SLC25A15: variants seen among roughly 807,000 people sequenced by gnomAD.
SLC25A15 encodes mitochondrial ornithine transporter 1.
SLC25A15 carries 24 observed loss-of-function variants against 32.3 expected under a neutral mutation model. That is an observed-to-expected ratio of 0.74 (90% CI 0.54 to 1.04). The LOEUF is 1.04. Ranked by LOEUF, SLC25A15 falls within the 50% of genes least tolerant of loss-of-function variation. SLC25A15 has a pLI of 0.00. For synonymous variants in SLC25A15, 132 were observed against 142.1 expected (o/e 0.93, Z 0.51); for missense variants, 317 against 374.5 (o/e 0.85, Z 1.27).
rs1324992947 is a variant in SLC25A15 at position 40,808,459 on chromosome 13, G to C, written c.644G>C (p.Ser215Thr). Reference protein sequence around the residue: ...DELGPVPLMLSGGVGGICLWL... With the variant: ...DELGPVPLMLTGGVGGICLWL... ...CTAGGCCCTGTACCTTTGATGTTAA[G>C]TGGTGGAGTTGGTGGGATTTGCCTC... The change falls in exon 6 of 7, where the codon AGT (serine) becomes ACT (threonine). Residue 215 changes from serine (S) to threonine (T), a missense_variant. Coordinates refer to ENST00000338625, the MANE Select transcript of SLC25A15 (RefSeq NM_014252.4). 1 of 1,613,524 alleles carries C rather than the reference G, an allele frequency of 6.2e-7. No individual in the cohort carries two copies. Among genetic ancestry groups the C allele is most frequent in the Non-Finnish European group, 8.5e-7 (1 of 1,179,966 alleles).
intron 4 of SLC25A15, among the ~76,000 whole-genome samples, chr13:40,806,317 A>G (rs3783163): frequency 0.38 from 57,623 of 152,098 alleles, 11,702 homozygotes; most frequent in East Asian, 0.52. Context: ...AGCTGCCCTC[A>G]TGTTCCTTGG....
Position 40,799,253 on chromosome 13 carries a change from C to T in SLC25A15, c.252C>T (p.Cys84=). Reference sequence around the variant, plus strand: ...CTGAGAACTCAGTCCTCTTCATGTGCTACGGCTTCTGCCAGCAGGTGGTGC... The same window carrying T: ...CTGAGAACTCAGTCCTCTTCATGTGTTACGGCTTCTGCCAGCAGGTGGTGC... ...NIAENSVLFM[C]YGFCQQVVRK... The change falls in exon 3 of 7, where the codon TGC becomes TGT. Residue 84 remains cysteine, a synonymous_variant. Transcript: ENST00000338625. The T allele has an allele frequency of 6.2e-7, 1 of 1,614,188 alleles. No homozygotes were observed. The highest frequency in any genetic ancestry group is 8.5e-7 in the Non-Finnish European group (1 of 1,180,038).
At chr13:40,803,918 A>G (rs1566123084) in intron 3 of SLC25A15, among the ~76,000 whole-genome samples, 1 of 152,202 alleles carries the variant, frequency 6.6e-6, no homozygotes, top group Non-Finnish European at 1.5e-5. Flanking sequence ...TGAAGTATTA[A>G]TAGTGCATGT....
rs1317613435 is a variant in SLC25A15, at chr13:40,811,760, G to A, written c.*2093G>A. Among the ~76,000 whole-genome samples, 1 of 152,168 alleles carries A rather than the reference G, an allele frequency of 6.6e-6. No individual in the cohort carries two copies. The highest frequency in any genetic ancestry group is 6.5e-5 in the Admixed American group (1 of 15,272). On this transcript the variant is annotated 3_prime_UTR_variant, in exon 7 of 7. Transcript: ENST00000338625. ...CAGCCTGTATACTGAGTGCAAGCAG[G>A]CTATCAATTTTAATAATAGTCCATA... is the stretch of plus-strand genomic sequence containing the variant.
At chr13:40,805,044 A>G in intron 3 of SLC25A15, 74 bp from the exon 4 acceptor site, 1 of 1,593,476 alleles carries the variant, frequency 6.3e-7, no homozygotes, top group Admixed American at 1.7e-5. Context: ...CTTTATCACC[A>G]AAGTGCTGTC....
intron 1 of SLC25A15, among the ~76,000 whole-genome samples, chr13:40,790,145 A>C (rs1881428558): frequency 6.6e-6 from 1 of 152,118 alleles, no homozygotes; most frequent in Non-Finnish European, 1.5e-5. Context: ...CTTTACCTAA[A>C]GCCCGGGCTC....
At chr13:40,802,614 C>T (rs34320051) in intron 3 of SLC25A15, among the ~76,000 whole-genome samples, 56,889 of 149,044 alleles carry the variant, frequency 0.38, 11,502 homozygotes, top group East Asian at 0.51. Flanking sequence ...CTCACTCTGT[C>T]GCCCAGGCTG....
At chr13:40,802,181 G>C (rs1255519005) in intron 3 of SLC25A15, 1 of 152,264 alleles carries the variant, frequency 6.6e-6, no homozygotes, top group Non-Finnish European at 1.5e-5. Context: ...TCTGCAGGCT[G>C]GCTGCAAGAC....
At position 40,811,047 on chromosome 13, in the gene SLC25A15, CA is replaced by C. The variant is rs1413877223; in HGVS notation, c.*1381del. On this transcript the variant is annotated 3_prime_UTR_variant, in exon 7 of 7. Transcript: ENST00000338625. ...GAAAGAACTCAGTGCTTGTACTCCA[CA>C]GTGAGTAATGTCAGGTCTGACCCAT... Among the ~76,000 whole-genome samples the C allele has an allele frequency of 6.6e-6, 1 of 152,256 alleles. No individual in the cohort carries two copies. The highest frequency in any genetic ancestry group is 2.4e-5 in the African/African-American group (1 of 41,476).
intron 2 of SLC25A15, 96 bp downstream of exon 2, chr13:40,793,377 C>T (rs888522659): frequency 3.7e-6 from 4 of 1,087,042 alleles, no homozygotes; most frequent in African/African-American, 1.5e-5. Flanking sequence ...TTTTACTGTA[C>T]CTTTTCTGTG....
At chr13:40,807,168 T>G in intron 4 of SLC25A15, 126 bp from the exon 5 acceptor site, 2 of 894,612 alleles carry the variant, frequency 2.2e-6, no homozygotes, top group Non-Finnish European at 3.8e-6. Context: ...TCCTGGCTCT[T>G]CATTTACAAA....
intron 6 of SLC25A15, 35 bp from the exon 7 acceptor site, chr13:40,809,508 T>C (rs375054280): frequency 1.9e-6 from 3 of 1,611,922 alleles, no homozygotes; most frequent in Non-Finnish European, 2.5e-6. Context: ...AAAGGAGGGA[T>C]TGTTGCAGTC....
At chr13:40,793,500 G>C (rs1881579478) in intron 2 of SLC25A15, among the ~76,000 whole-genome samples, 1 of 152,192 alleles carries the variant, frequency 6.6e-6, no homozygotes, top group Admixed American at 6.5e-5. Context: ...ATACCGAATA[G>C]CCTAGGTGTG....
At chr13:40,795,581 T>A (rs1190690595) in intron 2 of SLC25A15, among the ~76,000 whole-genome samples, 1 of 152,080 alleles carries the variant, frequency 6.6e-6, no homozygotes, top group East Asian at 1.9e-4. Context: ...GGGACGCCCC[T>A]CACCGAGGTA....
At chr13:40,791,027 G>T (rs1881466240) in intron 1 of SLC25A15, among the ~76,000 whole-genome samples, 1 of 151,942 alleles carries the variant, frequency 6.6e-6, no homozygotes, top group Admixed American at 6.6e-5. Flanking sequence ...GCGCATTGAG[G>T]TTTATCTAGG....
At chr13:40,802,135 G>A (rs1881917004) in intron 3 of SLC25A15, 1 of 152,244 alleles carries the variant, frequency 6.6e-6, no homozygotes, top group African/African-American at 2.4e-5. Flanking sequence ...CTGTCAACAG[G>A]TTAACAGAGA....
chr13:40,790,149 C>T (rs1017888639), intron 1 of SLC25A15, among the ~76,000 whole-genome samples: 2 of 152,250 alleles, frequency 1.3e-5, no homozygotes, highest in Non-Finnish European at 1.5e-5. Flanking sequence ...ACCTAAAGCC[C>T]GGGCTCTGGG....
rs552771107 is a variant in SLC25A15 at position 40,811,270 on chromosome 13, C to T, written c.*1603C>T. On this transcript the variant is annotated 3_prime_UTR_variant, in exon 7 of 7. Transcript: ENST00000338625. Reference sequence around the variant, plus strand: ...CTTTGGGAGGCTGAGGCGGGCGGGTCACAAGGTCAGGAGTTCGAGAACAGC... The same window carrying T: ...CTTTGGGAGGCTGAGGCGGGCGGGTTACAAGGTCAGGAGTTCGAGAACAGC... 2.0e-5 allele frequency among the ~76,000 whole-genome samples: 3 copies of T among 152,268 alleles called. No homozygotes were observed. Among genetic ancestry groups the T allele is most frequent in the Admixed American group, 1.3e-4 (2 of 15,294 alleles).
intron 2 of SLC25A15, among the ~76,000 whole-genome samples, chr13:40,794,274 AG>A (rs1041774866): frequency 2.0e-4 from 30 of 149,600 alleles, no homozygotes; most frequent in African/African-American, 6.4e-4. Context: ...CCGGAGGCGG[AG>A]GTTGTGGTGA....
Sources: gnomAD v4.1 joint callset for allele counts (sites outside exome capture counted in the v4.1 genomes callset) on GRCh38, gnomAD v4.1.1 for gene constraint, MANE v1.5 for transcripts, NCBI Gene and HGNC (gene_info 2026-07-23, HGNC 2026-07-21) for gene names.